The following WDR17 variants were observed in gnomAD, a reference collection of about 807,000 sequenced individuals.
WDR17 encodes the protein WD repeat-containing protein 17.
A neutral mutation model predicts 161.7 loss-of-function variants in WDR17; 143 were observed. The ratio of observed to expected loss-of-function variants is 0.88; its 90% CI spans 0.77 to 1.02. WDR17 has a LOEUF of 1.02. Ranked by LOEUF, WDR17 falls within the 50% of genes least tolerant of loss-of-function variation. The probability of loss-of-function intolerance (pLI) is 0.00; values close to 1 mark genes in which losing one functional copy is unlikely to be tolerated. For missense variants in WDR17, 1,469 were observed against 1,520.9 expected, an observed-to-expected ratio of 0.97 and a Z score of 0.57; for synonymous variants, 517 against 515.6, an observed-to-expected ratio of 1.00 and a Z score of -0.04.
At chr4:176,097,803 G>C (rs1579039228) in intron 1 of WDR17, among the ~76,000 whole-genome samples, 1 of 151,092 alleles carries the variant, frequency 6.6e-6, no homozygotes, top group Non-Finnish European at 1.5e-5. Context: ...TTGTGTGCAG[G>C]AATGGGAACT....
intron 28 of WDR17, 72 bp downstream of exon 28, chr4:176,177,726 A>G (rs909667348): frequency 1.4e-6 from 2 of 1,475,084 alleles, no homozygotes; most frequent in African/African-American, 1.5e-5. Context: ...ATATCTTAAA[A>G]TAAGCCTAAT....
chr4:176,140,986 A>G (rs543887176), intron 10 of WDR17, among the ~76,000 whole-genome samples: 1 of 152,320 alleles, frequency 6.6e-6, no homozygotes, highest in African/African-American at 2.4e-5. Flanking sequence ...ATAAGTCACC[A>G]TCAATCCCCA....
At chr4:176,126,586 CA>C (rs1220376914) in intron 5 of WDR17, among the ~76,000 whole-genome samples, 3 of 152,094 alleles carry the variant, frequency 2.0e-5, no homozygotes, top group Non-Finnish European at 4.4e-5. Context: ...CACAAAATTT[CA>C]AGAAGCAAAA....
rs572797630 is a variant in WDR17 at position 176,110,210 on chromosome 4, C to G, written c.-6-1365C>G. 9.9e-5 allele frequency among the ~76,000 whole-genome samples: 15 copies of G among 152,220 alleles called. No individual in the cohort carries two copies. In the South Asian group the frequency reaches 3.1e-3, roughly 32 times the overall value. ...AGGCTGGAGTGCAGTGGTGCCATCT[C>G]TGCTCACTGCAAGCTCTGCCTCCCA... On this transcript the variant is annotated intron_variant, in intron 1 of 28. Coordinates refer to ENST00000508596, the MANE Select transcript of WDR17 (RefSeq NM_181265.4).
At chr4:176,105,282 A>C (rs1239937952) in intron 1 of WDR17, among the ~76,000 whole-genome samples, 3 of 152,060 alleles carry the variant, frequency 2.0e-5, no homozygotes, top group African/African-American at 4.8e-5. Flanking sequence ...TAGTTGGATA[A>C]TTCAATACCC....
intron 2 of WDR17, among the ~76,000 whole-genome samples, chr4:176,112,475 C>T (rs1257089296): frequency 6.6e-6 from 1 of 152,160 alleles, no homozygotes; most frequent in African/African-American, 2.4e-5. Context: ...CATTCAAATG[C>T]TTTTGTGATC....
chr4:176,087,089 A>G (rs930190872), intron 1 of WDR17, among the ~76,000 whole-genome samples: 2 of 151,906 alleles, frequency 1.3e-5, no homozygotes, highest in Admixed American at 1.3e-4. Context: ...CATTACAATG[A>G]TCATTTTGTA....
At position 176,177,159 on chromosome 4, in the gene WDR17, G is replaced by A. The variant is rs781130078; in HGVS notation, c.3548+3G>A. ...GCTTGCACACAGTCCACCAACAGGT[G>A]AGCAAATATGATATAAAAATTGGAA... On this transcript the variant is annotated splice_donor_region_variant and intron_variant, in intron 27 of 28. Transcript: ENST00000508596. The A allele has an allele frequency of 1.2e-6, 2 of 1,609,266 alleles. No individual in the cohort carries two copies. Among genetic ancestry groups the A allele is most frequent in the South Asian group, 1.1e-5 (1 of 90,826 alleles).
At chr4:176,069,959 C>T (rs1335671691) in intron 1 of WDR17, among the ~76,000 whole-genome samples, 2 of 152,024 alleles carry the variant, frequency 1.3e-5, no homozygotes, top group East Asian at 3.9e-4. Context: ...AAGAGTTATG[C>T]AACATTTTAT....
intron 26 of WDR17, among the ~76,000 whole-genome samples, chr4:176,176,305 A>T (rs1187602595): frequency 6.6e-6 from 1 of 152,202 alleles, no homozygotes; most frequent in Non-Finnish European, 1.5e-5. Flanking sequence ...TAATTTCCTA[A>T]TATTAAAGAA....
chr4:176,153,048 TGGCATCAC>T (rs1747481327), intron 17 of WDR17, among the ~76,000 whole-genome samples: 7 of 152,108 alleles, frequency 4.6e-5, no homozygotes, highest in Admixed American at 4.6e-4. Context: ...ACAGCAGCAT[TGGCATCAC>T]TGGGATCCCT....
intron 18 of WDR17, 117 bp from the exon 19 acceptor site, chr4:176,159,877 T>G: frequency 1.0e-6 from 1 of 981,148 alleles, no homozygotes; most frequent in Non-Finnish European, 1.4e-6. Flanking sequence ...AAAAGTGGTA[T>G]GCCAAAGGGC....
chr4:176,076,720 G>T (rs1734089235), intron 1 of WDR17, among the ~76,000 whole-genome samples: 1 of 150,408 alleles, frequency 6.6e-6, no homozygotes, highest in African/African-American at 2.4e-5. Context: ...CATTATTTTA[G>T]CCATCTCATC....
intron 11 of WDR17, among the ~76,000 whole-genome samples, chr4:176,145,226 C>T (rs971119639): frequency 2.6e-5 from 4 of 150,950 alleles, no homozygotes; most frequent in Non-Finnish European, 5.9e-5. Flanking sequence ...TCTGGCAGGT[C>T]CGTGATTTCC....
chr4:176,109,323 TA>T lies in WDR17; in HGVS notation c.-6-2241del, dbSNP rs879896575. On this transcript the variant is annotated intron_variant, in intron 1 of 28. Transcript: ENST00000508596. ...AAAGATACTGTAACATTACTAAGTG[TA>T]AAAAAAAAAAGAAGTGTATATCTTT... 6.9e-3 allele frequency among the ~76,000 whole-genome samples: 1,005 copies of T among 144,774 alleles called. 10 individuals are homozygous for T. The highest frequency in any genetic ancestry group is 0.021 in the African/African-American group (827 of 39,728). The allele number at this position is 144,774 out of a possible 152,430, so 95.0% of individuals were successfully genotyped here.
intron 22 of WDR17, chr4:176,166,077 G>T: frequency 9.8e-7 from 1 of 1,023,972 alleles, no homozygotes; most frequent in Non-Finnish European, 1.4e-6. Flanking sequence ...TTTCTTTGTG[G>T]TATTCATCGT....
At chr4:176,102,149 A>T (rs1008076662) in intron 1 of WDR17, among the ~76,000 whole-genome samples, 1 of 152,228 alleles carries the variant, frequency 6.6e-6, no homozygotes, top group Admixed American at 6.5e-5. Context: ...CAAATAATTT[A>T]TATAACTCAG....
rs769378897 is a variant in WDR17, at chr4:176,128,798, T to A, written c.851T>A (p.Leu284His). ...NVSRTTPIDN[L>H]KLKKTGFHCL... ...TCAAGAACAACACCTATTGATAATC[T>A]TAAATTAAAGAAAACAGGATTTCAC... is the stretch of plus-strand genomic sequence containing the variant. Residue 284 changes from leucine (L) to histidine (H), a missense_variant, in exon 6 of 29, where the codon CTT becomes CAT. Transcript: ENST00000508596. The A allele has an allele frequency of 2.5e-6, 4 of 1,607,088 alleles. No homozygotes were observed. The highest frequency in any genetic ancestry group is 3.4e-6 in the Non-Finnish European group (4 of 1,177,220).
chr4:176,130,695 A>G (rs1459691593), intron 6 of WDR17, among the ~76,000 whole-genome samples: 1 of 150,580 alleles, frequency 6.6e-6, no homozygotes, highest in African/African-American at 2.4e-5. Context: ...CAGTGAGCCG[A>G]GATCATGCCA....
Sources: gnomAD v4.1 joint callset for allele counts (sites outside exome capture counted in the v4.1 genomes callset) on GRCh38, gnomAD v4.1.1 for gene constraint, MANE v1.5 for transcripts, NCBI Gene and HGNC (gene_info 2026-07-23, HGNC 2026-07-21) for gene names.